Variants in COL9A1 observed in about 807,000 individuals in gnomAD.
The protein encoded by COL9A1 is collagen alpha-1(IX) chain.
In COL9A1, 104 loss-of-function variants were observed where a neutral mutation model predicts 142.6. The ratio of observed to expected loss-of-function variants is 0.73; its 90% CI spans 0.62 to 0.86. The LOEUF (loss-of-function observed/expected upper bound fraction) is 0.86, where lower values mean the gene tolerates loss of function less well. Ranked by LOEUF, COL9A1 falls within the 40% of genes least tolerant of loss-of-function variation. COL9A1 has a pLI of 0.00. For synonymous variants in COL9A1, 466 were observed against 396.0 expected, an observed-to-expected ratio of 1.18 and a Z score of -2.10; for missense variants, 1,210 against 1,176.6, an observed-to-expected ratio of 1.03 and a Z score of -0.42.
chr6:70,294,482 G>A lies in COL9A1; in HGVS notation c.381C>T (p.Asn127=), dbSNP rs373482218. The A allele has an allele frequency of 1.9e-6, 3 of 1,613,990 alleles. No homozygotes were observed. The highest frequency in any genetic ancestry group is 1.7e-5 in the Admixed American group (1 of 59,994). ...AATCCTGAATCTGCCAAATGTTCCA[G>A]TTCTTTTTGAGAGTGCTTCCAGTCA... ...FRMTGSTLKK[N]WNIWQIQDSS... is the part of the protein sequence containing the mutation. Residue 127 remains asparagine, a synonymous_variant, in exon 5 of 38, where the codon AAC becomes AAT. Coordinates refer to ENST00000357250, the MANE Select transcript of COL9A1 (RefSeq NM_001851.6).
chr6:70,270,238 T>G, intron 15 of COL9A1, 76 bp downstream of exon 15: 1 of 1,443,552 alleles, frequency 6.9e-7, no homozygotes, highest in Non-Finnish European at 9.7e-7. Flanking sequence ...AATAGGAACT[T>G]CCATTTTGGA....
At chr6:70,265,505 T>A (rs973417820) in intron 18 of COL9A1, among the ~76,000 whole-genome samples, 1 of 151,730 alleles carries the variant, frequency 6.6e-6, no homozygotes, top group Non-Finnish European at 1.5e-5. Flanking sequence ...TTGTACTTTT[T>A]TTTTTTTTTT....
intron 35 of COL9A1, among the ~76,000 whole-genome samples, chr6:70,233,915 T>C (rs1418143697): frequency 6.6e-6 from 1 of 152,250 alleles, no homozygotes. Flanking sequence ...AGGGTGCTTT[T>C]GCACATCTTC....
chr6:70,217,443 A>C (rs1294598247), intron 37 of COL9A1, among the ~76,000 whole-genome samples: 1 of 152,224 alleles, frequency 6.6e-6, no homozygotes, highest in Non-Finnish European at 1.5e-5. Flanking sequence ...TGGATTTTAA[A>C]GACTTGATAT....
chr6:70,288,887 T>C (rs985569504), intron 5 of COL9A1, among the ~76,000 whole-genome samples: 2 of 152,202 alleles, frequency 1.3e-5, no homozygotes, highest in African/African-American at 4.8e-5. Flanking sequence ...ATCTGTCTTC[T>C]TTACACAGAA....
At chr6:70,298,490 G>A (rs1415393102) in intron 4 of COL9A1, among the ~76,000 whole-genome samples, 1 of 152,156 alleles carries the variant, frequency 6.6e-6, no homozygotes, top group Non-Finnish European at 1.5e-5. Flanking sequence ...CTTTTAACAA[G>A]CCTTGACAGT....
downstream of COL9A1, chr6:70,215,191 A>G (rs1768429244): frequency 6.6e-6 from 1 of 152,184 alleles, no homozygotes; most frequent in Non-Finnish European, 1.5e-5. Context: ...AAGGGAAAGA[A>G]CATTCTTTCA....
Position 70,283,775 on chromosome 6 carries a change from T to C in COL9A1, c.742A>G (p.Arg248Gly), listed in dbSNP as rs777004954. 1 of 1,611,972 alleles carries C rather than the reference T, an allele frequency of 6.2e-7. No individual in the cohort carries two copies. Among genetic ancestry groups the C allele is most frequent in the South Asian group, 1.1e-5 (1 of 90,288 alleles). Residue 248 changes from arginine to glycine, a missense_variant, in exon 6 of 38, where the codon AGG becomes GGG. By Grantham distance (125) the Arg-to-Gly change is moderately radical. Transcript: ENST00000357250. ...GGCAGCTCATGGCAAGTTTCTCTCC[T>C]GGGCCGCAGGGGGTCACAATGGATC... ...MLIHCDPLRPRRETCHELPAR... is the reference protein window; with the variant it reads ...MLIHCDPLRPGRETCHELPAR...
At chr6:70,217,226 T>A (rs1381540621) in intron 37 of COL9A1, 145 bp from the exon 38 acceptor site, 14 of 715,606 alleles carry the variant, frequency 2.0e-5, no homozygotes, top group Non-Finnish European at 3.2e-5. Flanking sequence ...TGATTGGTGA[T>A]GATGATGATG....
chr6:70,280,858 G>C lies in COL9A1; in HGVS notation c.929C>G (p.Pro310Arg), dbSNP rs1159414513. Residue 310 changes from proline (P) to arginine (R), a missense_variant, in exon 10 of 38, where the codon CCG becomes CGG. Physicochemically the swap from Pro to Arg is moderately radical, Grantham distance 103. Coordinates refer to ENST00000357250, the MANE Select transcript of COL9A1 (RefSeq NM_001851.6). ...PPGPPGPAGE[P>R]GKPGAPGKPG... ...CTTGCCTGGAGCTCCTGGCTTTCCC[G>C]GTTCACCTGCAGGACCCTGAGCAGG... is the stretch of plus-strand genomic sequence containing the variant. 1 of 1,613,296 alleles carries C rather than the reference G, an allele frequency of 6.2e-7. No homozygotes were observed. Among genetic ancestry groups the C allele is most frequent in the South Asian group, 1.1e-5 (1 of 90,984 alleles).
chr6:70,223,630 C>G (rs1352530121), intron 37 of COL9A1, among the ~76,000 whole-genome samples: 2 of 152,222 alleles, frequency 1.3e-5, no homozygotes, highest in Non-Finnish European at 2.9e-5. Context: ...ACCTCGAAAC[C>G]CAAGCCCTCA....
In COL9A1 at chr6:70,272,090, TAA is replaced by T; in HGVS notation, c.1066-4_1066-3del. Reference sequence around the variant, plus strand: ...AGGGGGTCCAGGAATACCACGGCCCTAAAAGAGTACAATAAAAATGGTTATAG... The same window carrying T: ...AGGGGGTCCAGGAATACCACGGCCCTAAGAGTACAATAAAAATGGTTATAG... On this transcript the variant is annotated splice_region_variant and splice_polypyrimidine_tract_variant and intron_variant, in intron 12 of 37. Coordinates refer to ENST00000357250, the MANE Select transcript of COL9A1 (RefSeq NM_001851.6). 6.2e-7 allele frequency: 1 copy of T among 1,610,896 alleles called. No homozygotes were observed. Among genetic ancestry groups the T allele is most frequent in the Non-Finnish European group, 8.5e-7 (1 of 1,177,590 alleles).
At chr6:70,247,485 C>T (rs1332958944) in intron 28 of COL9A1, among the ~76,000 whole-genome samples, 17 of 152,262 alleles carry the variant, frequency 1.1e-4, no homozygotes, top group Admixed American at 6.5e-5. Flanking sequence ...AACTGAAAAA[C>T]GAACACTATC....
At chr6:70,226,079 T>G (rs1247964384) in intron 36 of COL9A1, 70 bp from the exon 37 acceptor site, 1 of 1,364,676 alleles carries the variant, frequency 7.3e-7, no homozygotes, top group African/African-American at 1.4e-5. Context: ...CTTTAAACTT[T>G]CAGCAAATCT....
intron 12 of COL9A1, among the ~76,000 whole-genome samples, 168 bp from the exon 13 acceptor site, chr6:70,272,256 G>A (rs1772453614): frequency 1.3e-5 from 2 of 152,012 alleles, no homozygotes; most frequent in Non-Finnish European, 2.9e-5. Flanking sequence ...TGCTTCTACA[G>A]GAAGCAGAAG....
chr6:70,236,339 A>C (rs1404581077), intron 33 of COL9A1, among the ~76,000 whole-genome samples: 3 of 152,118 alleles, frequency 2.0e-5, no homozygotes, highest in Non-Finnish European at 2.9e-5. Flanking sequence ...AGACCAAATT[A>C]ATTCACTTTT....
At chr6:70,245,042 A>G (rs757780754) in intron 28 of COL9A1, among the ~76,000 whole-genome samples, 7 of 152,168 alleles carry the variant, frequency 4.6e-5, no homozygotes, top group Non-Finnish European at 8.8e-5. Context: ...CCTCATTTTT[A>G]TTTCACTTCC....
At chr6:70,231,522 CAGTT>C (rs1002497872) in intron 36 of COL9A1, among the ~76,000 whole-genome samples, 19 of 152,084 alleles carry the variant, frequency 1.2e-4, no homozygotes, top group Admixed American at 7.9e-4. Context: ...TAAGAGGTCT[CAGTT>C]AGACCCCATT....
At chr6:70,261,249 C>T (rs1771667295) in intron 19 of COL9A1, among the ~76,000 whole-genome samples, 1 of 152,098 alleles carries the variant, frequency 6.6e-6, no homozygotes, top group Admixed American at 6.5e-5. Context: ...GAAAGGCATT[C>T]TGAATTCCAA....
Sources: gnomAD v4.1 joint callset for allele counts (sites outside exome capture counted in the v4.1 genomes callset) on GRCh38, gnomAD v4.1.1 for gene constraint, MANE v1.5 for transcripts, NCBI Gene and HGNC (gene_info 2026-07-23, HGNC 2026-07-21) for gene names.